The following SV2B variants were observed in gnomAD, a reference collection of about 807,000 sequenced individuals.
SV2B encodes solute carrier family 22 member B2.
A neutral mutation model predicts 73.9 loss-of-function variants in SV2B; 41 were observed. The ratio of observed to expected loss-of-function variants is 0.56; its 90% CI spans 0.43 to 0.72. The LOEUF (loss-of-function observed/expected upper bound fraction) is 0.72. Among genes scored for constraint, SV2B ranks in the 30% least tolerant of loss-of-function variants. The pLI, the probability that SV2B is intolerant of heterozygous loss-of-function variation, is 0.00. For synonymous variants in SV2B, 314 were observed against 314.2 expected (o/e 1.00, Z 0.01); for missense variants, 764 against 857.8 (o/e 0.89, Z 1.37).
At chr15:91,291,254 G>A (rs2049030048) in intron 12 of SV2B, among the ~76,000 whole-genome samples, 1 of 150,672 alleles carries the variant, frequency 6.6e-6, no homozygotes, top group South Asian at 2.1e-4. Flanking sequence ...CTGGGAACTT[G>A]AAAAAAGTTT....
intron 1 of SV2B, among the ~76,000 whole-genome samples, chr15:91,185,452 T>G (rs2141331286): frequency 6.6e-6 from 1 of 152,342 alleles, no homozygotes; most frequent in African/African-American, 2.4e-5. Flanking sequence ...TTGTAAGGTA[T>G]CCCGCTGTCT....
rs544577946 is a variant in SV2B at position 91,100,933 on chromosome 15, G to A, written c.-392+570G>A. 1.3e-4 allele frequency among the ~76,000 whole-genome samples: 20 copies of A among 152,344 alleles called. No individual in the cohort carries two copies. Among genetic ancestry groups the A allele is most frequent in the African/African-American group, 4.8e-4 (20 of 41,578 alleles). On this transcript the variant is annotated intron_variant, in intron 1 of 12. Coordinates refer to ENST00000394232, the MANE Select transcript of SV2B (RefSeq NM_001323032.3). This position sits in a 1 kb window ranked among gnomAD's most constrained non-coding sequence, Gnocchi z 6.4. ...TAGCGCAAGGGAAAGAAAATGACTT[G>A]TTTTGCAGGGATGGGCTAGCAAATG... is the stretch of plus-strand genomic sequence containing the variant.
intron 1 of SV2B, among the ~76,000 whole-genome samples, chr15:91,186,065 A>C (rs2044757702): frequency 6.6e-6 from 1 of 152,118 alleles, no homozygotes; most frequent in Non-Finnish European, 1.5e-5. Flanking sequence ...ACTATTACAC[A>C]ATGGTATTAT....
At chr15:91,107,301 A>G (rs11073982) in intron 1 of SV2B, among the ~76,000 whole-genome samples, 811 of 37,568 alleles carry the variant, frequency 0.022, 6 homozygotes, top group African/African-American at 0.054. Context: ...TTGTTTGTTT[A>G]TTTATTTATT....
rs147136614 is a variant in SV2B, at chr15:91,268,318, T to C, written c.1209-123T>C. 7.7e-4 allele frequency: 789 copies of C among 1,020,912 alleles called. 3 individuals carry two copies. The African/African-American group carries it at 0.011, about 15-fold the overall frequency. The allele number at this position is 1,020,912 out of a possible 1,614,324, so 63.2% of individuals were successfully genotyped here. A position where few individuals can be genotyped will look rare whatever the true frequency, so the allele number is the denominator to read the frequency against. ...TGAGGATTTATATTGTCAGATTTTC[T>C]AATAATGAACCAAATTAATGTATTT... On this transcript the variant is annotated intron_variant, in intron 8 of 12. Transcript: ENST00000394232. The surrounding 1 kb of genome is among the most constrained non-coding windows in gnomAD (Gnocchi z 4.4).
chr15:91,163,996 C>G (rs956073890), intron 1 of SV2B, among the ~76,000 whole-genome samples: 1 of 152,132 alleles, frequency 6.6e-6, no homozygotes, highest in Non-Finnish European at 1.5e-5. Context: ...AGCCAGTTTT[C>G]CCAGCACCAT....
rs953068013 is a variant in SV2B, at chr15:91,300,920, C to T, written c.*8368C>T. 6.6e-6 allele frequency: 1 copy of T among 152,192 alleles called. No individual in the cohort carries two copies. Among genetic ancestry groups the T allele is most frequent in the African/African-American group, 2.4e-5 (1 of 41,426 alleles). The allele number at this position is 152,192 out of a possible 1,614,324, so 9.4% of individuals were successfully genotyped here. A position where few individuals can be genotyped will look rare whatever the true frequency, so the allele number is the denominator to read the frequency against. ...AAAAATATTTCATAGGTATAGAAGG[C>T]ATTTGTAATACTGTTGGTTCAAATG... On this transcript the variant is annotated 3_prime_UTR_variant, in exon 13 of 13. Coordinates refer to ENST00000394232, the MANE Select transcript of SV2B (RefSeq NM_001323032.3).
chr15:91,285,676 T>C (rs1442599152), intron 11 of SV2B, among the ~76,000 whole-genome samples: 1 of 152,196 alleles, frequency 6.6e-6, no homozygotes, highest in East Asian at 1.9e-4. Context: ...ATAAGGGGTG[T>C]GAGAGCAGAC....
intron 1 of SV2B, among the ~76,000 whole-genome samples, chr15:91,143,152 G>T (rs1240723571): frequency 6.6e-6 from 1 of 152,230 alleles, no homozygotes. Context: ...GCAAAGACTG[G>T]AGGACGGCTT....
chr15:91,131,863 T>G (rs557915309), intron 1 of SV2B, among the ~76,000 whole-genome samples: 31 of 152,230 alleles, frequency 2.0e-4, no homozygotes, highest in African/African-American at 7.2e-4. Flanking sequence ...CTCAGGAGGC[T>G]GAGACACAAG....
At chr15:91,207,702 CTT>C (rs2141410664) in intron 1 of SV2B, among the ~76,000 whole-genome samples, 1 of 152,310 alleles carries the variant, frequency 6.6e-6, no homozygotes, top group Admixed American at 6.5e-5. Context: ...ACACAGGAAC[CTT>C]CAGAAATCAT....
chr15:91,166,104 A>C (rs1189860775), intron 1 of SV2B, among the ~76,000 whole-genome samples: 2 of 152,178 alleles, frequency 1.3e-5, no homozygotes, highest in African/African-American at 2.4e-5. Flanking sequence ...CCTTAATATC[A>C]GCAGTTTTTA....
At chr15:91,217,023 G>T (rs1322879668) in intron 1 of SV2B, among the ~76,000 whole-genome samples, 1 of 151,800 alleles carries the variant, frequency 6.6e-6, no homozygotes, top group African/African-American at 2.4e-5. Flanking sequence ...GAATAGCTGG[G>T]ATTACAGGTG....
chr15:91,228,820 T>C (rs1011865064), intron 2 of SV2B, among the ~76,000 whole-genome samples: 2 of 152,158 alleles, frequency 1.3e-5, no homozygotes, highest in African/African-American at 4.8e-5. Flanking sequence ...GTCAAGAAAA[T>C]GAGTGTCTAA....
intron 1 of SV2B, among the ~76,000 whole-genome samples, chr15:91,203,025 AC>A (rs923682006): frequency 1.3e-5 from 2 of 152,094 alleles, no homozygotes; most frequent in African/African-American, 2.4e-5. Flanking sequence ...ACCAGAGTAA[AC>A]TTTTTGTAAA....
In SV2B at chr15:91,197,452, G is replaced by A. The variant is rs181037827; in HGVS notation, c.-391-28421G>A. 1.3e-5 allele frequency among the ~76,000 whole-genome samples: 2 copies of A among 151,550 alleles called. No homozygotes were observed. The highest frequency in any genetic ancestry group is 6.6e-5 in the Admixed American group (1 of 15,246). On this transcript the variant is annotated intron_variant, in intron 1 of 12. Coordinates refer to ENST00000394232, the MANE Select transcript of SV2B (RefSeq NM_001323032.3). The surrounding 1 kb of genome is among the most constrained non-coding windows in gnomAD (Gnocchi z 4.9). ...TTGGTCAGGCTGGTCTCAAACTCCCGACTTCAGGTCATCCACCTGCCTCGG... is the reference window on the plus strand; with the variant it reads ...TTGGTCAGGCTGGTCTCAAACTCCCAACTTCAGGTCATCCACCTGCCTCGG...
At chr15:91,257,702 A>T (rs1460401471) in intron 4 of SV2B, among the ~76,000 whole-genome samples, 1 of 152,162 alleles carries the variant, frequency 6.6e-6, no homozygotes, top group East Asian at 1.9e-4. Flanking sequence ...TCACCAATAG[A>T]AGCCCTGGGT....
In SV2B at chr15:91,299,817, G is replaced by A. The variant is rs1309105727; in HGVS notation, c.*7265G>A. On this transcript the variant is annotated 3_prime_UTR_variant, in exon 13 of 13. Transcript: ENST00000394232. Reference sequence around the variant, plus strand: ...GCGCCACCATGCCTGGCTAATTTTTGTATTTTTAGTAGAGACGGGGTTTCG... The same window carrying A: ...GCGCCACCATGCCTGGCTAATTTTTATATTTTTAGTAGAGACGGGGTTTCG... 1 of 151,998 alleles carries A rather than the reference G, an allele frequency of 6.6e-6. No homozygotes were observed. The highest frequency in any genetic ancestry group is 2.4e-5 in the African/African-American group (1 of 41,374). The allele number at this position is 151,998 out of a possible 1,614,324, so 9.4% of individuals were successfully genotyped here. A position where few individuals can be genotyped will look rare whatever the true frequency, so the allele number is the denominator to read the frequency against.
intron 1 of SV2B, among the ~76,000 whole-genome samples, chr15:91,186,135 A>G (rs2044760880): frequency 6.6e-6 from 1 of 152,126 alleles, no homozygotes; most frequent in Non-Finnish European, 1.5e-5. Context: ...TTCTCCTAAC[A>G]AAAAAAGGCC....
Sources: gnomAD v4.1 joint callset for allele counts (sites outside exome capture counted in the v4.1 genomes callset) on GRCh38, gnomAD v4.1.1 for gene constraint, Gnocchi (gnomAD v3.1) non-coding constraint, MANE v1.5 for transcripts, NCBI Gene and HGNC (gene_info 2026-07-23, HGNC 2026-07-21) for gene names.